The following RAPGEF5 variants were observed in gnomAD, a reference collection of about 807,000 sequenced individuals.
The protein encoded by RAPGEF5 is Rap guanine nucleotide exchange factor 5.
RAPGEF5 carries 65 observed loss-of-function variants against 125.2 expected under a neutral mutation model. That is an observed-to-expected ratio of 0.52 (90% CI 0.43 to 0.64). The LOEUF is 0.64. RAPGEF5 is among the 30% of genes least tolerant of loss of function. RAPGEF5 has a pLI of 0.00. For synonymous variants in RAPGEF5, 391 were observed against 385.9 expected, an observed-to-expected ratio of 1.01 and a Z score of -0.16; for missense variants, 958 against 1,048.1, an observed-to-expected ratio of 0.91 and a Z score of 1.19.
At chr7:22,284,409 ACAGAAAAAAGTTGCTAC>A in intron 6 of RAPGEF5, among the ~76,000 whole-genome samples, 1 of 152,138 alleles carries the variant, frequency 6.6e-6, no homozygotes, top group Non-Finnish European at 1.5e-5. Context: ...CGTATAAACC[ACAGAAAAAAGTTGCTAC>A]CAGAATATGC....
rs577345360 is a variant in RAPGEF5 at position 22,136,179 on chromosome 7, C to G, written c.2329-54G>C. 26 of 1,327,370 alleles carry G rather than the reference C, an allele frequency of 2.0e-5. 1 individual carries two copies. In the African/African-American group the frequency reaches 3.4e-4, roughly 17 times the overall value. 82.2% of individuals were successfully genotyped at this position (1,327,370 alleles called of 1,614,324 possible). A position where few individuals can be genotyped will look rare whatever the true frequency, so the allele number is the denominator to read the frequency against. On this transcript the variant is annotated intron_variant, in intron 22 of 25. Coordinates refer to ENST00000665637, the MANE Select transcript of RAPGEF5 (RefSeq NM_012294.5). ...AAGAAAAATCAATGTGCTATAGAAA[C>G]AATTCTAAATCCACCTTTGCTACAC...
chr7:22,126,140 C>T (rs1782737607), intron 24 of RAPGEF5, among the ~76,000 whole-genome samples: 3 of 152,128 alleles, frequency 2.0e-5, no homozygotes, highest in Admixed American at 1.3e-4. Context: ...CAGAGTGAGA[C>T]TCCGTCTCAA....
At chr7:22,122,866 T>C (rs1782623592) in intron 25 of RAPGEF5, among the ~76,000 whole-genome samples, 1 of 152,194 alleles carries the variant, frequency 6.6e-6, no homozygotes, top group African/African-American at 2.4e-5. Flanking sequence ...GGACAGATGG[T>C]TCCTGAGCCC....
intron 5 of RAPGEF5, among the ~76,000 whole-genome samples, chr7:22,294,868 C>T (rs1453548963): frequency 6.6e-6 from 1 of 152,202 alleles, no homozygotes; most frequent in African/African-American, 2.4e-5. Context: ...GACTTCCCGT[C>T]TCACTTAGCA....
chr7:22,311,442 T>G (rs559092084), intron 3 of RAPGEF5, among the ~76,000 whole-genome samples: 31 of 152,350 alleles, frequency 2.0e-4, no homozygotes, highest in African/African-American at 7.2e-4. Flanking sequence ...CTGTCTCTTG[T>G]GATTGGCATA....
intron 19 of RAPGEF5, among the ~76,000 whole-genome samples, chr7:22,146,297 G>A (rs978618937): frequency 1.3e-5 from 2 of 152,170 alleles, no homozygotes; most frequent in African/African-American, 4.8e-5. Context: ...CTTGATTCCT[G>A]TGAGGGTTTT....
chr7:22,289,568 C>T (rs1562510538), intron 6 of RAPGEF5, among the ~76,000 whole-genome samples: 1 of 152,190 alleles, frequency 6.6e-6, no homozygotes, highest in Admixed American at 6.5e-5. Flanking sequence ...AAACAGATGG[C>T]TAATTATAAT....
At chr7:22,293,384 C>A (rs1312351985) in intron 5 of RAPGEF5, among the ~76,000 whole-genome samples, 1 of 152,172 alleles carries the variant, frequency 6.6e-6, no homozygotes, top group East Asian at 1.9e-4. Context: ...TAGAGCCATC[C>A]CTTCCCTCCT....
intron 6 of RAPGEF5, among the ~76,000 whole-genome samples, chr7:22,287,856 T>C (rs557361743): frequency 3.1e-4 from 47 of 152,318 alleles, no homozygotes; most frequent in African/African-American, 1.0e-3. Context: ...ACTTAGCAAC[T>C]GTCTAGTCCA....
Position 22,177,918 on chromosome 7 carries a change from T to C in RAPGEF5, c.1205-10770A>G, listed in dbSNP as rs75433615. The stretch of plus-strand genomic sequence containing the variant: ...AGGTTTGGAAGCGGGAGTAGAGTCA[T>C]AGACACAAGAAGGTGGTCTTTCATT... On this transcript the variant is annotated intron_variant, in intron 11 of 25. Coordinates refer to ENST00000665637, the MANE Select transcript of RAPGEF5 (RefSeq NM_012294.5). Among the ~76,000 whole-genome samples the C allele has an allele frequency of 3.3e-4, 50 of 152,280 alleles. 3 individuals are homozygous for C. The highest frequency in any genetic ancestry group is 1.1e-3 in the African/African-American group (47 of 41,558).
intron 11 of RAPGEF5, among the ~76,000 whole-genome samples, chr7:22,179,722 G>A (rs111240194): frequency 6.6e-6 from 1 of 152,094 alleles, no homozygotes; most frequent in Non-Finnish European, 1.5e-5. Flanking sequence ...AAATGTGACC[G>A]CCAGTTGTTC....
At chr7:22,239,381 C>T (rs1424497526) in intron 7 of RAPGEF5, among the ~76,000 whole-genome samples, 1 of 152,146 alleles carries the variant, frequency 6.6e-6, no homozygotes, top group African/African-American at 2.4e-5. Context: ...TAAAGGTGTG[C>T]TGTATGTTCG....
intron 21 of RAPGEF5, among the ~76,000 whole-genome samples, chr7:22,139,366 A>G (rs929371048): frequency 2.6e-5 from 4 of 152,180 alleles, no homozygotes; most frequent in African/African-American, 7.2e-5. Flanking sequence ...CAAAAGCCCA[A>G]GGAAGGACGG....
At chr7:22,151,338 T>C (rs932981254) in intron 17 of RAPGEF5, among the ~76,000 whole-genome samples, 2 of 152,224 alleles carry the variant, frequency 1.3e-5, no homozygotes, top group African/African-American at 2.4e-5. Context: ...TGAATATTTT[T>C]AAAGTTTTTG....
chr7:22,316,489 A>ATATATATATTTTT (rs1201099897), intron 2 of RAPGEF5, among the ~76,000 whole-genome samples: 1 of 50,644 alleles, frequency 2.0e-5, no homozygotes, highest in African/African-American at 8.2e-5. Context: ...ATATATATAT[A>ATATATATATTTTT]TTTTTTTTTT....
At chr7:22,189,052 T>TA (rs11434267) in intron 11 of RAPGEF5, among the ~76,000 whole-genome samples, 76,087 of 126,028 alleles carry the variant, frequency 0.6, 22,283 homozygotes, top group Non-Finnish European at 0.62. Context: ...CTCATGAAAT[T>TA]AAAAAAAAAA....
chr7:22,320,308 A>C (rs1303778422), intron 1 of RAPGEF5, among the ~76,000 whole-genome samples: 1 of 152,164 alleles, frequency 6.6e-6, no homozygotes, highest in Non-Finnish European at 1.5e-5. Flanking sequence ...ACTTAAAACG[A>C]TGATCATAAC....
chr7:22,151,826 T>C (rs142744591), intron 17 of RAPGEF5, among the ~76,000 whole-genome samples: 14 of 152,314 alleles, frequency 9.2e-5, no homozygotes, highest in African/African-American at 3.4e-4. Flanking sequence ...TCTGTTTACT[T>C]TGTGTTTCTT....
chr7:22,212,987 T>C (rs1341262993), intron 9 of RAPGEF5, among the ~76,000 whole-genome samples: 1 of 152,222 alleles, frequency 6.6e-6, no homozygotes, highest in African/African-American at 2.4e-5. Flanking sequence ...AGGAGCAGCA[T>C]TTGTACAGCA....
Sources: allele counts gnomAD v4.1 joint callset (sites outside exome capture counted in the v4.1 genomes callset), GRCh38; gene constraint gnomAD v4.1.1; transcripts MANE v1.5; gene names NCBI Gene and HGNC (gene_info 2026-07-23, HGNC 2026-07-21).